Variants in FHIT observed in about 807,000 individuals in gnomAD.
FHIT encodes fragile histidine triad diadenosine triphosphatase, also known as bis(5'-adenosyl)-triphosphatase.
Under a neutral mutation model 17.9 loss-of-function variants are expected in FHIT, and 19 were observed. That is an observed-to-expected ratio of 1.06 (90% CI 0.74 to 1.56). The LOEUF is 1.56. Among genes scored for constraint, FHIT ranks in the 40% most tolerant of loss-of-function variants. The pLI is 0.00. For missense variants in FHIT, 248 were observed against 189.2 expected (o/e 1.31, Z -1.82); for synonymous variants, 81 against 69.7 (o/e 1.16, Z -0.81).
intron 4 of FHIT, among the ~76,000 whole-genome samples, chr3:60,591,627 C>T (rs1553664308): frequency 6.6e-6 from 1 of 151,956 alleles, no homozygotes; most frequent in East Asian, 1.9e-4. Context: ...CTCCCCATGT[C>T]GTGGAAGACT....
At chr3:60,284,733 T>C (rs977853901) in intron 5 of FHIT, among the ~76,000 whole-genome samples, 2 of 152,124 alleles carry the variant, frequency 1.3e-5, no homozygotes, top group African/African-American at 4.8e-5. Flanking sequence ...TAGCAAATAT[T>C]ATGACTCAAA....
chr3:60,328,314 T>A (rs186192531), intron 5 of FHIT, among the ~76,000 whole-genome samples: 18 of 152,332 alleles, frequency 1.2e-4, no homozygotes, highest in Admixed American at 1.2e-3. Flanking sequence ...ATTTTCATAC[T>A]GCTATGAAGA....
At chr3:60,469,446 T>C (rs1212027173) in intron 5 of FHIT, among the ~76,000 whole-genome samples, 1 of 152,224 alleles carries the variant, frequency 6.6e-6, no homozygotes, top group Non-Finnish European at 1.5e-5. Context: ...CAGACTCTGA[T>C]GCATTCTTCA....
chr3:60,105,591 C>A (rs1024510956), intron 5 of FHIT, among the ~76,000 whole-genome samples: 43 of 152,240 alleles, frequency 2.8e-4, no homozygotes, highest in African/African-American at 9.9e-4. Flanking sequence ...TGTCACTACT[C>A]AGCTAATGGT....
intron 3 of FHIT, among the ~76,000 whole-genome samples, chr3:60,965,488 A>G (rs1709684439): frequency 6.6e-6 from 1 of 152,168 alleles, no homozygotes; most frequent in African/African-American, 2.4e-5. Flanking sequence ...GCGAGGAGCT[A>G]GGTTCCTTTG....
At chr3:60,912,080 C>T (rs1706776084) in intron 3 of FHIT, among the ~76,000 whole-genome samples, 1 of 152,076 alleles carries the variant, frequency 6.6e-6, no homozygotes, top group African/African-American at 2.4e-5. Context: ...CACGTACACA[C>T]ACATATTTCA....
chr3:60,802,546 A>C (rs114681134), intron 4 of FHIT, among the ~76,000 whole-genome samples: 2 of 152,312 alleles, frequency 1.3e-5, no homozygotes, highest in African/African-American at 4.8e-5. Flanking sequence ...CCTTAAAACT[A>C]TTTACAGTAC....
intron 5 of FHIT, among the ~76,000 whole-genome samples, chr3:60,269,811 G>A (rs1272097953): frequency 2.0e-5 from 3 of 152,202 alleles, no homozygotes; most frequent in Admixed American, 6.5e-5. Flanking sequence ...AGTGTTACAG[G>A]AACTTTGAGG....
At chr3:59,918,873 C>G (rs1007888633) in intron 8 of FHIT, among the ~76,000 whole-genome samples, 6 of 152,032 alleles carry the variant, frequency 3.9e-5, no homozygotes, top group African/African-American at 1.4e-4. Context: ...AAAAATAAAA[C>G]ACATGTGAAG....
intron 3 of FHIT, among the ~76,000 whole-genome samples, chr3:61,018,685 T>C (rs2032246590): frequency 6.6e-6 from 1 of 152,220 alleles, no homozygotes; most frequent in Non-Finnish European, 1.5e-5. Context: ...TATTTCTCTT[T>C]GCTATCAAAC....
At chr3:60,920,951 T>C (rs1707250633) in intron 3 of FHIT, among the ~76,000 whole-genome samples, 1 of 152,190 alleles carries the variant, frequency 6.6e-6, no homozygotes, top group Admixed American at 6.5e-5. Context: ...TTTACAAAAA[T>C]TGTAAACTGC....
At chr3:60,873,494 C>A (rs1456634699) in intron 3 of FHIT, among the ~76,000 whole-genome samples, 1 of 152,212 alleles carries the variant, frequency 6.6e-6, no homozygotes, top group Non-Finnish European at 1.5e-5. Context: ...GTTCTCCCGA[C>A]AAAGGGCCTG....
chr3:60,542,163 T>C (rs1003649613), intron 4 of FHIT, among the ~76,000 whole-genome samples: 45 of 152,246 alleles, frequency 3.0e-4, no homozygotes, highest in African/African-American at 1.0e-3. Context: ...CTCTCAACAT[T>C]GTTTTAGAAA....
intron 2 of FHIT, among the ~76,000 whole-genome samples, chr3:61,079,652 A>G (rs2035073587): frequency 6.6e-6 from 1 of 152,226 alleles, no homozygotes; most frequent in Non-Finnish European, 1.5e-5. Flanking sequence ...TCACATGTAC[A>G]TGCACAGGCA....
chr3:59,761,386 C>T (rs1701504959), intron 8 of FHIT, among the ~76,000 whole-genome samples: 1 of 152,282 alleles, frequency 6.6e-6, no homozygotes, highest in African/African-American at 2.4e-5. Context: ...CCCTTCTTCA[C>T]CCAGTGGATG....
intron 3 of FHIT, among the ~76,000 whole-genome samples, chr3:60,843,480 C>A (rs539535121): frequency 2.6e-5 from 4 of 152,078 alleles, no homozygotes; most frequent in Non-Finnish European, 5.9e-5. Flanking sequence ...ACCAAAAGAG[C>A]CTTGCATGTC....
At chr3:60,363,659 G>C (rs925976361) in intron 5 of FHIT, among the ~76,000 whole-genome samples, 1 of 151,994 alleles carries the variant, frequency 6.6e-6, no homozygotes, top group Non-Finnish European at 1.5e-5. Context: ...AAGCCTCTGC[G>C]CTGTGTATCT....
At chr3:60,562,292 G>A (rs1407839602) in intron 4 of FHIT, among the ~76,000 whole-genome samples, 1 of 152,142 alleles carries the variant, frequency 6.6e-6, no homozygotes, top group Non-Finnish European at 1.5e-5. Flanking sequence ...TGATCCAGGG[G>A]GAAAAGACTA....
chr3:60,402,713 C>G (rs1477033949), intron 5 of FHIT, among the ~76,000 whole-genome samples: 1 of 152,178 alleles, frequency 6.6e-6, no homozygotes, highest in Admixed American at 6.5e-5. Flanking sequence ...TAGCACTCAT[C>G]TGGACTATTT....
Sources: gnomAD v4.1 joint callset for allele counts (sites outside exome capture counted in the v4.1 genomes callset) on GRCh38, gnomAD v4.1.1 for gene constraint, MANE v1.5 for transcripts, NCBI Gene and HGNC (gene_info 2026-07-23, HGNC 2026-07-21) for gene names.